Variants in ANAPC10 observed in about 807,000 individuals in gnomAD.
The protein encoded by ANAPC10 is anaphase-promoting complex subunit 10.
Under a neutral mutation model 22.0 loss-of-function variants are expected in ANAPC10, and 12 were observed. The observed-to-expected ratio is 0.55, with a 90% CI of 0.35 to 0.88. ANAPC10 has a LOEUF of 0.88. Ranked by LOEUF, ANAPC10 falls within the 40% of genes least tolerant of loss-of-function variation. ANAPC10 has a pLI of 0.01. For missense variants in ANAPC10, 188 were observed against 220.9 expected (o/e 0.85, Z 0.94); for synonymous variants, 65 against 69.5 (o/e 0.94, Z 0.32).
chr4:145,011,669 C>T (rs1358065038), intron 4 of ANAPC10, among the ~76,000 whole-genome samples: 3 of 152,096 alleles, frequency 2.0e-5, no homozygotes, highest in Non-Finnish European at 4.4e-5. Context: ...GTCAGAGAAA[C>T]ATGCAGAGCT....
chr4:145,000,811 T>TA (rs1250110392), intron 4 of ANAPC10, among the ~76,000 whole-genome samples: 4 of 152,174 alleles, frequency 2.6e-5, no homozygotes, highest in Non-Finnish European at 5.9e-5. Context: ...CCATCAGTGA[T>TA]AGACTGGATT....
chr4:145,006,838 C>T (rs1733448902), intron 4 of ANAPC10, among the ~76,000 whole-genome samples: 1 of 151,860 alleles, frequency 6.6e-6, no homozygotes, highest in South Asian at 2.1e-4. Flanking sequence ...TCAGGTATTC[C>T]TCCCACCTCT....
At chr4:145,064,104 T>C (rs934846662) in intron 4 of ANAPC10, 5 of 152,124 alleles carry the variant, frequency 3.3e-5, no homozygotes, top group African/African-American at 1.2e-4. Context: ...CCAAGTAATA[T>C]ACTTAAGATT....
rs748643192 is a variant in ANAPC10 at position 144,995,568 on chromosome 4, A to G, written c.363T>C (p.His121=). 2 of 1,613,128 alleles carry G rather than the reference A, an allele frequency of 1.2e-6. No individual in the cohort carries two copies. Among genetic ancestry groups the G allele is most frequent in the Non-Finnish European group, 1.7e-6 (2 of 1,179,696 alleles). ...TCTTATGATTGTCAGTTAAGGGAAC[A>G]TGAATCCAGCCACTTGGTTCCACCA... ...LELVEPSGWI[H]VPLTDNHKKP... The change falls in exon 5 of 5, where the codon CAT becomes CAC. Residue 121 remains histidine (H), a synonymous_variant. Coordinates refer to ENST00000507656, the MANE Select transcript of ANAPC10 (RefSeq NM_001256706.2).
At chr4:145,028,078 G>A (rs1405532320) in intron 4 of ANAPC10, among the ~76,000 whole-genome samples, 1 of 152,174 alleles carries the variant, frequency 6.6e-6, no homozygotes, top group Non-Finnish European at 1.5e-5. Flanking sequence ...AGCTGAAAGA[G>A]CTGTTAGATG....
At chr4:145,034,554 T>C (rs1738200009) in intron 4 of ANAPC10, among the ~76,000 whole-genome samples, 1 of 145,864 alleles carries the variant, frequency 6.9e-6, no homozygotes, top group Admixed American at 6.9e-5. Flanking sequence ...TGTGTGTGTG[T>C]GTGTGTGTGT....
rs778138927 is a variant in ANAPC10, at chr4:145,054,667, CAT to C, written c.327+9903_327+9904del. Among the ~76,000 whole-genome samples, 300 of 144,610 alleles carry C rather than the reference CAT, an allele frequency of 2.1e-3. 1 individual carries two copies. The highest frequency in any genetic ancestry group is 4.3e-3 in the Admixed American group (63 of 14,628). The allele number at this position is 144,610 out of a possible 152,430, so 94.9% of individuals were successfully genotyped here. A position where few individuals can be genotyped will look rare whatever the true frequency, so the allele number is the denominator to read the frequency against. ...CGCGCGCGCGCGCGTGCGTGCAGCGCATGTGTGTGTGTGTGCCTGTGTGTGTG... is the reference window on the plus strand; with the variant it reads ...CGCGCGCGCGCGCGTGCGTGCAGCGCGTGTGTGTGTGTGCCTGTGTGTGTG... On this transcript the variant is annotated intron_variant, in intron 4 of 4. Coordinates refer to ENST00000507656, the MANE Select transcript of ANAPC10 (RefSeq NM_001256706.2).
chr4:145,008,941 C>T (rs1733854631), intron 4 of ANAPC10, among the ~76,000 whole-genome samples: 2 of 152,110 alleles, frequency 1.3e-5, no homozygotes, highest in South Asian at 2.1e-4. Context: ...TAGAAAACCC[C>T]ACTGTCTCAG....
chr4:145,084,404 C>A (rs1490878320), intron 2 of ANAPC10, among the ~76,000 whole-genome samples: 1 of 152,044 alleles, frequency 6.6e-6, no homozygotes, highest in African/African-American at 2.4e-5. Flanking sequence ...ACAGTGGGTC[C>A]TTTGAGAGCT....
At chr4:145,068,981 T>A (rs1744098819) in intron 3 of ANAPC10, among the ~76,000 whole-genome samples, 1 of 152,184 alleles carries the variant, frequency 6.6e-6, no homozygotes, top group Admixed American at 6.5e-5. Flanking sequence ...CGCGGAAGAC[T>A]ACAACAACAA....
At chr4:145,091,403 T>C (rs548310405) in intron 2 of ANAPC10, among the ~76,000 whole-genome samples, 1 of 152,304 alleles carries the variant, frequency 6.6e-6, no homozygotes, top group South Asian at 2.1e-4. Flanking sequence ...AGTCTAGTCA[T>C]ACTAATAGAT....
intron 4 of ANAPC10, among the ~76,000 whole-genome samples, chr4:145,008,005 T>C (rs1291598836): frequency 6.6e-6 from 1 of 151,754 alleles, no homozygotes; most frequent in Non-Finnish European, 1.5e-5. Flanking sequence ...AAAGGGGATA[T>C]CACCACCGAT....
intron 4 of ANAPC10, among the ~76,000 whole-genome samples, chr4:145,034,123 T>C (rs1274242529): frequency 6.6e-6 from 1 of 152,112 alleles, no homozygotes; most frequent in Non-Finnish European, 1.5e-5. Flanking sequence ...TAGGTTCAAG[T>C]TGACAAGGGG....
chr4:145,010,522 A>G (rs1031920307), intron 4 of ANAPC10, among the ~76,000 whole-genome samples: 1 of 152,186 alleles, frequency 6.6e-6, no homozygotes, highest in Non-Finnish European at 1.5e-5. Context: ...TGTCCTTTGT[A>G]GGGACATGCA....
chr4:145,041,724 T>C (rs957480048), intron 4 of ANAPC10, among the ~76,000 whole-genome samples: 1 of 152,230 alleles, frequency 6.6e-6, no homozygotes, highest in African/African-American at 2.4e-5. Flanking sequence ...CATTGACTAT[T>C]GGATCTATTG....
intron 4 of ANAPC10, among the ~76,000 whole-genome samples, chr4:144,998,516 T>A (rs1003795394): frequency 4.6e-5 from 7 of 152,158 alleles, no homozygotes; most frequent in South Asian, 2.1e-4. Context: ...CCTGAATGAC[T>A]ACTGGGTACA....
intron 4 of ANAPC10, among the ~76,000 whole-genome samples, chr4:145,030,635 C>T (rs892981038): frequency 1.3e-5 from 2 of 152,112 alleles, no homozygotes; most frequent in African/African-American, 2.4e-5. Context: ...TGGTCATTTC[C>T]CCAGTGCCAG....
intron 4 of ANAPC10, among the ~76,000 whole-genome samples, chr4:145,034,537 ATATATATG>A (rs1738174282): frequency 1.4e-5 from 2 of 139,372 alleles, no homozygotes; most frequent in African/African-American, 2.8e-5. Context: ...ATATATATAT[ATATATATG>A]TGTGTGTGTG....
At chr4:145,066,744 A>C (rs1743751395) in intron 3 of ANAPC10, among the ~76,000 whole-genome samples, 1 of 148,770 alleles carries the variant, frequency 6.7e-6, no homozygotes, top group African/African-American at 2.5e-5. Flanking sequence ...AGTGTTGTCA[A>C]ATAGGAACTT....
Sources: allele counts gnomAD v4.1 joint callset (sites outside exome capture counted in the v4.1 genomes callset), GRCh38; gene constraint gnomAD v4.1.1; transcripts MANE v1.5; gene names NCBI Gene and HGNC (gene_info 2026-07-23, HGNC 2026-07-21).